The following WDFY2 variants were observed in gnomAD, a reference collection of about 807,000 sequenced individuals.
The protein encoded by WDFY2 is WD repeat and FYVE domain containing 2.
WDFY2 carries 36 observed loss-of-function variants against 56.4 expected under a neutral mutation model. The observed-to-expected ratio is 0.64, with a 90% CI of 0.49 to 0.84. The LOEUF (loss-of-function observed/expected upper bound fraction) is 0.84, where lower values mean the gene tolerates loss of function less well. Among genes scored for constraint, WDFY2 ranks in the 40% least tolerant of loss-of-function variants. WDFY2 has a pLI of 0.00. For synonymous variants in WDFY2, 176 were observed against 183.7 expected, an observed-to-expected ratio of 0.96 and a Z score of 0.34; for missense variants, 444 against 512.2, an observed-to-expected ratio of 0.87 and a Z score of 1.29.
At chr13:51,689,154 A>G (rs975536798) in intron 3 of WDFY2, among the ~76,000 whole-genome samples, 1 of 152,048 alleles carries the variant, frequency 6.6e-6, no homozygotes, top group African/African-American at 2.4e-5. Flanking sequence ...TCTCCCTTCC[A>G]TCCTCTTGGG....
At chr13:51,625,525 T>A (rs1344874008) in intron 1 of WDFY2, among the ~76,000 whole-genome samples, 2 of 152,234 alleles carry the variant, frequency 1.3e-5, no homozygotes, top group African/African-American at 4.8e-5. Flanking sequence ...AACAAATTGA[T>A]ATTTTGCTTT....
intron 2 of WDFY2, among the ~76,000 whole-genome samples, chr13:51,672,328 G>A (rs557054605): frequency 1.3e-4 from 20 of 152,080 alleles, no homozygotes; most frequent in Middle Eastern, 3.4e-3. Context: ...TTTATGTTTT[G>A]TTTGCTTTGT....
chr13:51,747,286 T>C (rs1953124984), intron 7 of WDFY2, among the ~76,000 whole-genome samples: 2 of 152,240 alleles, frequency 1.3e-5, no homozygotes, highest in Admixed American at 6.5e-5. Flanking sequence ...GCTATATAAC[T>C]CTTTCCTAAG....
At chr13:51,621,109 C>T (rs768850651) in intron 1 of WDFY2, among the ~76,000 whole-genome samples, 1 of 152,216 alleles carries the variant, frequency 6.6e-6, no homozygotes, top group South Asian at 2.1e-4. Flanking sequence ...CTCTCTTCCC[C>T]CTTCCTGCAT....
intron 8 of WDFY2, among the ~76,000 whole-genome samples, chr13:51,752,538 C>G (rs1953261891): frequency 6.6e-6 from 1 of 152,144 alleles, no homozygotes; most frequent in Admixed American, 6.5e-5. Flanking sequence ...TCTGGGCCCT[C>G]CTAACCAAAC....
At chr13:51,617,207 T>G (rs1442484999) in intron 1 of WDFY2, among the ~76,000 whole-genome samples, 1 of 152,252 alleles carries the variant, frequency 6.6e-6, no homozygotes, top group Non-Finnish European at 1.5e-5. Context: ...CTATTTCTGT[T>G]AGCCATCAGA....
At chr13:51,705,056 T>C (rs1952055205) in intron 4 of WDFY2, among the ~76,000 whole-genome samples, 1 of 152,214 alleles carries the variant, frequency 6.6e-6, no homozygotes, top group Non-Finnish European at 1.5e-5. Flanking sequence ...TGCTTTTGTG[T>C]GCTTGCTCTG....
intron 2 of WDFY2, among the ~76,000 whole-genome samples, chr13:51,667,520 A>G (rs117731368): frequency 4.6e-4 from 70 of 152,320 alleles, no homozygotes; most frequent in Admixed American, 6.5e-4. Flanking sequence ...TAGTGGTATT[A>G]TAGAATGATA....
chr13:51,606,183 A>G (rs1954381958), intron 1 of WDFY2, among the ~76,000 whole-genome samples: 2 of 152,224 alleles, frequency 1.3e-5, no homozygotes, highest in African/African-American at 4.8e-5. Context: ...CTCCTAGCAC[A>G]TGATAGGATT....
chr13:51,628,333 G>T (rs1317887423), intron 1 of WDFY2, among the ~76,000 whole-genome samples: 1 of 152,262 alleles, frequency 6.6e-6, no homozygotes, highest in Non-Finnish European at 1.5e-5. Context: ...CCATGTCACG[G>T]CAGTGCCTGG....
chr13:51,621,761 G>GA (rs1175869534), intron 1 of WDFY2, among the ~76,000 whole-genome samples: 1 of 152,064 alleles, frequency 6.6e-6, no homozygotes, highest in Non-Finnish European at 1.5e-5. Context: ...GTCAGCATCA[G>GA]AAAAAATGCA....
chr13:51,597,520 G>C (rs1954173780), intron 1 of WDFY2, among the ~76,000 whole-genome samples: 1 of 152,146 alleles, frequency 6.6e-6, no homozygotes, highest in African/African-American at 2.4e-5. Flanking sequence ...GCTTATTTCT[G>C]CTTTTTCAAA....
chr13:51,680,184 C>T (rs550980890), intron 3 of WDFY2, among the ~76,000 whole-genome samples: 2 of 152,288 alleles, frequency 1.3e-5, no homozygotes, highest in East Asian at 3.9e-4. Flanking sequence ...TCACTACAGC[C>T]TCAAAGACCT....
At chr13:51,729,010 C>T (rs1023045015) in intron 6 of WDFY2, among the ~76,000 whole-genome samples, 1 of 152,162 alleles carries the variant, frequency 6.6e-6, no homozygotes, top group Non-Finnish European at 1.5e-5. Context: ...TTCTAGCCCG[C>T]GGTCCTTCCA....
chr13:51,641,825 C>CAAAAAAAAA (rs750489541), intron 1 of WDFY2, among the ~76,000 whole-genome samples: 2 of 37,420 alleles, frequency 5.3e-5, no homozygotes, highest in South Asian at 1.4e-3. Context: ...GACTCCGTCT[C>CAAAAAAAAA]AAAAAAAAAA....
At chr13:51,691,563 T>C (rs1956157587) in intron 3 of WDFY2, among the ~76,000 whole-genome samples, 1 of 152,106 alleles carries the variant, frequency 6.6e-6, no homozygotes. Flanking sequence ...TATATCTCTG[T>C]TTTGGTACCA....
At chr13:51,638,724 G>A (rs558778359) in intron 1 of WDFY2, among the ~76,000 whole-genome samples, 1 of 152,228 alleles carries the variant, frequency 6.6e-6, no homozygotes, top group African/African-American at 2.4e-5. Flanking sequence ...AAAATATTGG[G>A]CACTGCTAAA....
At chr13:51,712,078 A>G (rs1296014953) in intron 4 of WDFY2, among the ~76,000 whole-genome samples, 1 of 152,240 alleles carries the variant, frequency 6.6e-6, no homozygotes. Flanking sequence ...CTGGATTAAG[A>G]AAATATGGCA....
chr13:51,617,769 A>G (rs1954646612), intron 1 of WDFY2, among the ~76,000 whole-genome samples: 1 of 152,230 alleles, frequency 6.6e-6, no homozygotes, highest in Non-Finnish European at 1.5e-5. Flanking sequence ...ATTTCAAGTC[A>G]TATGTCCACA....
Sources: gnomAD v4.1 joint callset for allele counts (sites outside exome capture counted in the v4.1 genomes callset) on GRCh38, gnomAD v4.1.1 for gene constraint, MANE v1.5 for transcripts, NCBI Gene and HGNC (gene_info 2026-07-23, HGNC 2026-07-21) for gene names.